TET1: variants seen among roughly 807,000 people sequenced by gnomAD.
The protein encoded by TET1 is methylcytosine dioxygenase TET1.
Under a neutral mutation model 148.7 loss-of-function variants are expected in TET1, and 13 were observed. That is an observed-to-expected ratio of 0.09 (90% CI 0.06 to 0.14). TET1 has a LOEUF of 0.14. TET1 is among the 10% of genes least tolerant of loss of function. The probability of loss-of-function intolerance (pLI) is 1.00; values close to 1 mark genes in which losing one functional copy is unlikely to be tolerated. For synonymous variants in TET1, 907 were observed against 937.2 expected (o/e 0.97, Z 0.59); for missense variants, 2,182 against 2,553.8 (o/e 0.85, Z 3.14).
chr10:68,601,891 AAT>A (rs2054060413), intron 3 of TET1, among the ~76,000 whole-genome samples: 1 of 148,682 alleles, frequency 6.7e-6, no homozygotes, highest in Non-Finnish European at 1.5e-5. Flanking sequence ...TTTAATTTAA[AAT>A]AGTTTTACCT....
rs571412786 is a variant in TET1, at chr10:68,693,415, C to G, written c.*1601C>G. 2.5e-4 allele frequency: 59 copies of G among 233,168 alleles called. No individual in the cohort carries two copies. Among genetic ancestry groups the G allele is most frequent in the Non-Finnish European group, 4.6e-4 (54 of 117,898 alleles). 14.4% of individuals were successfully genotyped at this position (233,168 alleles called of 1,614,324 possible). ...ACCGCTAACACTTACAATTTTGGTG[C>G]AAAAGCAAACAGTTCCAGCAGGCTC... On this transcript the variant is annotated 3_prime_UTR_variant, in exon 12 of 12. Transcript: ENST00000373644.
At chr10:68,583,712 A>G (rs750859929) in intron 2 of TET1, among the ~76,000 whole-genome samples, 9 of 152,078 alleles carry the variant, frequency 5.9e-5, no homozygotes, top group Admixed American at 1.3e-4. Flanking sequence ...AGAGATCAAG[A>G]CCATCCTGGC....
intron 2 of TET1, among the ~76,000 whole-genome samples, chr10:68,599,305 G>T (rs2054024629): frequency 6.6e-6 from 1 of 152,204 alleles, no homozygotes; most frequent in Non-Finnish European, 1.5e-5. Context: ...GCCCTGCAAG[G>T]CTGGAGCTAG....
intron 2 of TET1, among the ~76,000 whole-genome samples, chr10:68,589,370 T>A (rs2053894045): frequency 6.6e-6 from 1 of 152,188 alleles, no homozygotes; most frequent in African/African-American, 2.4e-5. Context: ...AAGGTTATAT[T>A]ATGATGCAAT....
chr10:68,655,526 G>A (rs1285007841), intron 6 of TET1, among the ~76,000 whole-genome samples: 2 of 152,194 alleles, frequency 1.3e-5, no homozygotes, highest in East Asian at 1.9e-4. Context: ...TTCTCCTACA[G>A]TGAGTCCAAA....
In TET1 at chr10:68,595,590, A is replaced by AACAC. The variant is rs143868696; in HGVS notation, c.1915-5377_1915-5374dup. Among the ~76,000 whole-genome samples the AACAC allele has an allele frequency of 1.9e-4, 28 of 146,100 alleles. No homozygotes were observed. In the South Asian group the frequency reaches 2.2e-3, roughly 12 times the overall value. ...TTCATAATTTTAATCCTGAAGCCAC[A>AACAC]ACACACACACACACACAGCTTCTTT... is the stretch of plus-strand genomic sequence containing the variant. On this transcript the variant is annotated intron_variant, in intron 2 of 11. Transcript: ENST00000373644.
intron 3 of TET1, among the ~76,000 whole-genome samples, chr10:68,629,792 T>A (rs570365813): frequency 6.6e-6 from 1 of 152,236 alleles, no homozygotes; most frequent in South Asian, 2.1e-4. Flanking sequence ...CAATTTGGCC[T>A]CCCAAAGTGC....
At chr10:68,604,818 G>A (rs575573332) in intron 3 of TET1, among the ~76,000 whole-genome samples, 9 of 152,298 alleles carry the variant, frequency 5.9e-5, no homozygotes, top group Admixed American at 2.0e-4. Context: ...GGTAACATTA[G>A]GCAAAGATGG....
chr10:68,593,720 A>C (rs565629733), intron 2 of TET1, among the ~76,000 whole-genome samples: 3 of 151,790 alleles, frequency 2.0e-5, no homozygotes, highest in Admixed American at 1.3e-4. Context: ...TCAAGCGATT[A>C]TCCTGCCTCA....
At chr10:68,640,794 G>A (rs1449067094) in intron 3 of TET1, among the ~76,000 whole-genome samples, 1 of 151,134 alleles carries the variant, frequency 6.6e-6, no homozygotes, top group East Asian at 1.9e-4. Flanking sequence ...CTCGTGATCT[G>A]CCCGCCTTGG....
chr10:68,568,125 A>G (rs1328422794), intron 1 of TET1, among the ~76,000 whole-genome samples: 1 of 149,098 alleles, frequency 6.7e-6, no homozygotes, highest in Non-Finnish European at 1.5e-5. Flanking sequence ...TGATCCACCC[A>G]CCTTGGCCTC....
chr10:68,686,365 T>C lies in TET1; in HGVS notation c.5062T>C (p.Leu1688=), dbSNP rs1408849265. 1 of 1,604,154 alleles carries C rather than the reference T, an allele frequency of 6.2e-7. No homozygotes were observed. Among genetic ancestry groups the C allele is most frequent in the East Asian group, 2.2e-5 (1 of 44,720 alleles). ...TTTTTCTCCCTATCAGGTTTGTACC[T>C]TAACTCGAGAAGATAACCGCTCTTT... The part of the protein sequence containing the change: ...MNNGSTVVCT[L]TREDNRSLGV... Residue 1688 remains leucine (L), a synonymous_variant, in exon 11 of 12, where the codon TTA becomes CTA. Coordinates refer to ENST00000373644, the MANE Select transcript of TET1 (RefSeq NM_030625.3).
intron 3 of TET1, among the ~76,000 whole-genome samples, chr10:68,629,572 T>C (rs896017930): frequency 1.3e-5 from 2 of 151,762 alleles, no homozygotes; most frequent in Non-Finnish European, 2.9e-5. Context: ...TCTCCCTCTG[T>C]CACCAGCTTG....
chr10:68,654,203 C>G (rs922771190), intron 6 of TET1, among the ~76,000 whole-genome samples: 14 of 149,904 alleles, frequency 9.3e-5, no homozygotes, highest in African/African-American at 3.4e-4. Context: ...CAAAAAAGAG[C>G]TAAGTAGGCA....
chr10:68,572,695 A>G lies in TET1; in HGVS notation c.357A>G (p.Pro119=), dbSNP rs938838911. The G allele has an allele frequency of 2.5e-6, 4 of 1,613,900 alleles. No individual in the cohort carries two copies. Among genetic ancestry groups the G allele is most frequent in the African/African-American group, 2.7e-5 (2 of 74,884 alleles). ...TTAGCAGGCGACTCTCCCAACCCCC[A>G]CTGGTCGTAGCCAAATCCAAAAAGG... ...TSLSRRLSQP[P]LVVAKSKKVP... The change falls in exon 2 of 12, where the codon CCA becomes CCG. Residue 119 remains proline (P), a synonymous_variant. Coordinates refer to ENST00000373644, the MANE Select transcript of TET1 (RefSeq NM_030625.3).
At chr10:68,679,913 A>T (rs2055413983) in intron 8 of TET1, among the ~76,000 whole-genome samples, 1 of 152,202 alleles carries the variant, frequency 6.6e-6, no homozygotes, top group Admixed American at 6.5e-5. Context: ...ACCTCAGGTG[A>T]TCTGCCCACC....
At chr10:68,574,503 A>G (rs1256419208) in intron 2 of TET1, among the ~76,000 whole-genome samples, 7 of 152,202 alleles carry the variant, frequency 4.6e-5, no homozygotes, top group Admixed American at 2.0e-4. Flanking sequence ...TAGAACATAC[A>G]GTTTTTTTCT....
Position 68,603,096 on chromosome 10 carries a change from A to G in TET1, c.1968+2062A>G, listed in dbSNP as rs146340477. Among the ~76,000 whole-genome samples the G allele has an allele frequency of 5.9e-5, 9 of 152,312 alleles. No homozygotes were observed. The East Asian group carries it at 1.7e-3, about 29-fold the overall frequency. ...AGGTTTTATGAGTGAGGACTTCAACATTCTAGGAGCATGCTACCTGGGGGA... is the reference window on the plus strand; with the variant it reads ...AGGTTTTATGAGTGAGGACTTCAACGTTCTAGGAGCATGCTACCTGGGGGA... On this transcript the variant is annotated intron_variant, in intron 3 of 11. Coordinates refer to ENST00000373644, the MANE Select transcript of TET1 (RefSeq NM_030625.3).
intron 10 of TET1, among the ~76,000 whole-genome samples, chr10:68,685,934 A>G (rs868366911): frequency 1.3e-5 from 2 of 152,190 alleles, no homozygotes; most frequent in African/African-American, 4.8e-5. Flanking sequence ...AAGGAATGTG[A>G]CATTCTTGAA....
Sources: gnomAD v4.1 joint callset for allele counts (sites outside exome capture counted in the v4.1 genomes callset) on GRCh38, gnomAD v4.1.1 for gene constraint, MANE v1.5 for transcripts, NCBI Gene and HGNC (gene_info 2026-07-23, HGNC 2026-07-21) for gene names.